Variants in FAM135B observed in about 807,000 individuals in gnomAD.
The protein encoded by FAM135B is family with sequence similarity 135 member B.
A neutral mutation model predicts 127.7 loss-of-function variants in FAM135B; 43 were observed. The ratio of observed to expected loss-of-function variants is 0.34; its 90% CI spans 0.26 to 0.43. The LOEUF is 0.43. Among genes scored for constraint, FAM135B ranks in the 20% least tolerant of loss-of-function variants. FAM135B has a pLI of 1.00. For missense variants in FAM135B, 1,558 were observed against 1,725.6 expected (o/e 0.90, Z 1.72); for synonymous variants, 670 against 665.1 (o/e 1.01, Z -0.11).
chr8:138,242,818 G>A lies in FAM135B; in HGVS notation c.669+124C>T, dbSNP rs1820932189. The A allele has an allele frequency of 7.7e-7, 1 of 1,294,204 alleles. No homozygotes were observed. The highest frequency in any genetic ancestry group is 1.0e-6 in the Non-Finnish European group (1 of 960,532). The allele number at this position is 1,294,204 out of a possible 1,614,324, so 80.2% of individuals were successfully genotyped here. A position where few individuals can be genotyped will look rare whatever the true frequency, so the allele number is the denominator to read the frequency against. On this transcript the variant is annotated intron_variant, in intron 7 of 19. Coordinates refer to ENST00000395297, the MANE Select transcript of FAM135B (RefSeq NM_015912.4). The surrounding 1 kb of genome is among the most constrained non-coding windows in gnomAD (Gnocchi z 9.6). The stretch of plus-strand genomic sequence containing the variant: ...AACAAGGGGTGGGAAGATGGTGAAA[G>A]GAAGGGTCAAATTAGCAAAAATCTC...
intron 2 of FAM135B, among the ~76,000 whole-genome samples, chr8:138,330,189 T>C (rs1223939769): frequency 6.6e-6 from 1 of 152,192 alleles, no homozygotes; most frequent in East Asian, 1.9e-4. Context: ...TTACTATCAA[T>C]TGCCTTTTCT....
chr8:138,354,308 A>G (rs2131137897), intron 2 of FAM135B, among the ~76,000 whole-genome samples: 1 of 152,126 alleles, frequency 6.6e-6, no homozygotes, highest in African/African-American at 2.4e-5. Flanking sequence ...CTCCTACTCT[A>G]TCAAAAACAA....
At chr8:138,195,611 C>G (rs575682619) in intron 8 of FAM135B, among the ~76,000 whole-genome samples, 1 of 151,332 alleles carries the variant, frequency 6.6e-6, no homozygotes, top group Non-Finnish European at 1.5e-5. Context: ...AGAGATTCCA[C>G]GTTTATTTCT....
At chr8:138,191,491 G>A (rs1032455296) in intron 9 of FAM135B, among the ~76,000 whole-genome samples, 14 of 152,032 alleles carry the variant, frequency 9.2e-5, no homozygotes, top group East Asian at 5.8e-4. Context: ...GCATTTATTC[G>A]GAGCTTCTAG....
intron 6 of FAM135B, among the ~76,000 whole-genome samples, chr8:138,244,069 A>T (rs1290840597): frequency 6.6e-6 from 1 of 152,160 alleles, no homozygotes; most frequent in Non-Finnish European, 1.5e-5. Flanking sequence ...TAAAATATTG[A>T]CAGGAAAATA....
intron 1 of FAM135B, among the ~76,000 whole-genome samples, chr8:138,383,000 T>A (rs111759533): frequency 2.6e-5 from 4 of 152,320 alleles, no homozygotes; most frequent in African/African-American, 9.6e-5. Flanking sequence ...GGCCTGGACA[T>A]ATCCACTGGG....
chr8:138,364,641 A>G (rs978503563), intron 2 of FAM135B, among the ~76,000 whole-genome samples: 1 of 152,172 alleles, frequency 6.6e-6, no homozygotes, highest in Non-Finnish European at 1.5e-5. Context: ...GTCTCCAACT[A>G]TTAATGATTT....
intron 1 of FAM135B, among the ~76,000 whole-genome samples, chr8:138,467,463 C>T (rs925941463): frequency 6.6e-6 from 1 of 152,156 alleles, no homozygotes; most frequent in African/African-American, 2.4e-5. Context: ...TCGGTAACCA[C>T]ATGTGGCAAC....
At chr8:138,209,060 A>C (rs1004221885) in intron 7 of FAM135B, among the ~76,000 whole-genome samples, 5 of 152,144 alleles carry the variant, frequency 3.3e-5, no homozygotes, top group African/African-American at 1.2e-4. Flanking sequence ...TTGGGTTTCT[A>C]TATATTCCTC....
At chr8:138,145,088 C>T (rs1269528129) in intron 15 of FAM135B, among the ~76,000 whole-genome samples, 1 of 152,098 alleles carries the variant, frequency 6.6e-6, no homozygotes, top group African/African-American at 2.4e-5. Flanking sequence ...AATCACAGTT[C>T]ACTGCAACCT....
intron 1 of FAM135B, among the ~76,000 whole-genome samples, chr8:138,423,641 A>G (rs1024996751): frequency 6.6e-6 from 1 of 152,208 alleles, no homozygotes; most frequent in Non-Finnish European, 1.5e-5. Flanking sequence ...TCACAGGACC[A>G]CAGGGCCAGG....
chr8:138,435,033 C>T (rs1160202692), intron 1 of FAM135B, among the ~76,000 whole-genome samples: 2 of 152,174 alleles, frequency 1.3e-5, no homozygotes, highest in Non-Finnish European at 2.9e-5. Context: ...GCCAGCCAGG[C>T]GCGGTGGCTC....
intron 2 of FAM135B, among the ~76,000 whole-genome samples, chr8:138,365,451 C>A (rs1156823676): frequency 6.6e-6 from 1 of 152,070 alleles, no homozygotes; most frequent in Admixed American, 6.5e-5. Flanking sequence ...GCCCAATATC[C>A]ATTTAGAATA....
chr8:138,175,219 C>T (rs4243885), intron 11 of FAM135B, among the ~76,000 whole-genome samples: 90,516 of 152,076 alleles, frequency 0.6, 27,570 homozygotes, highest in East Asian at 0.98. Flanking sequence ...AAGTCTTTTC[C>T]TGGCTGACAA....
chr8:138,343,854 GGTT>G, intron 2 of FAM135B, among the ~76,000 whole-genome samples: 1 of 152,300 alleles, frequency 6.6e-6, no homozygotes, highest in Non-Finnish European at 1.5e-5. Flanking sequence ...GCACTGGTTT[GGTT>G]GTTTCCTCTT....
At position 138,348,561 on chromosome 8, in the gene FAM135B, T is replaced by C. The variant is rs187391620; in HGVS notation, c.77+19346A>G. ...CCTTCACCATTTTCTTCCCTGGCAG[T>C]AGCTTTCCTAGACTCCCAACTATAT... On this transcript the variant is annotated intron_variant, in intron 2 of 19. Transcript: ENST00000395297. Among the ~76,000 whole-genome samples the C allele has an allele frequency of 1.6e-3, 241 of 152,340 alleles. 2 individuals carry two copies. The highest frequency in any genetic ancestry group is 5.6e-3 in the African/African-American group (231 of 41,586).
chr8:138,148,725 A>G (rs769049002), intron 13 of FAM135B, 39 bp from the exon 14 acceptor site: 2 of 1,501,992 alleles, frequency 1.3e-6, no homozygotes, highest in African/African-American at 2.8e-5. Context: ...CAAGCTGTGT[A>G]CTTCATGTTG....
At chr8:138,163,514 G>T (rs868061738) in intron 12 of FAM135B, among the ~76,000 whole-genome samples, 1 of 152,094 alleles carries the variant, frequency 6.6e-6, no homozygotes, top group African/African-American at 2.4e-5. Context: ...TGAATCATGG[G>T]GGCAGTTTCC....
Position 138,141,228 on chromosome 8 carries a change from G to A in FAM135B, c.3760C>T (p.Leu1254=), listed in dbSNP as rs774693082. 9 of 1,614,172 alleles carry A rather than the reference G, an allele frequency of 5.6e-6. No individual in the cohort carries two copies. Among genetic ancestry groups the A allele is most frequent in the Non-Finnish European group, 7.6e-6 (9 of 1,180,030 alleles). ...LSLSGPHLGT[L]YNNSTLVSTG... Reference sequence around the variant, plus strand: ...CTAACCAGGGTGCTGTTGTTGTACAGGGTTCCCAGGTGAGGCCCAGAGAGT... The same window carrying A: ...CTAACCAGGGTGCTGTTGTTGTACAAGGTTCCCAGGTGAGGCCCAGAGAGT... The change falls in exon 17 of 20, where the codon CTG becomes TTG. Residue 1254 remains leucine (L), a synonymous_variant. Transcript: ENST00000395297. The surrounding 1 kb of genome is among the most constrained non-coding windows in gnomAD (Gnocchi z 4.7).
Sources: allele counts gnomAD v4.1 joint callset (sites outside exome capture counted in the v4.1 genomes callset), GRCh38; gene constraint gnomAD v4.1.1; non-coding constraint Gnocchi (gnomAD v3.1); transcripts MANE v1.5; gene names NCBI Gene and HGNC (gene_info 2026-07-23, HGNC 2026-07-21).